DENND1A: variants seen among roughly 807,000 people sequenced by gnomAD.
DENND1A encodes the protein DENN domain-containing protein 1A.
DENND1A carries 51 observed loss-of-function variants against 113.7 expected under a neutral mutation model. That is an observed-to-expected ratio of 0.45 (90% confidence interval 0.36 to 0.57). The LOEUF is 0.57. DENND1A is among the 20% of genes least tolerant of loss of function. The pLI is 0.00. For synonymous variants in DENND1A, 565 were observed against 570.8 expected (o/e 0.99, Z 0.14); for missense variants, 1,258 against 1,395.9 (o/e 0.90, Z 1.57).
intron 5 of DENND1A, among the ~76,000 whole-genome samples, chr9:123,717,395 A>G (rs1480271045): frequency 6.6e-6 from 1 of 152,222 alleles, no homozygotes; most frequent in Non-Finnish European, 1.5e-5. Flanking sequence ...CTGAAGGGGA[A>G]TGATTATCCC....
intron 20 of DENND1A, among the ~76,000 whole-genome samples, chr9:123,407,609 G>A (rs554133134): frequency 1.3e-5 from 2 of 152,242 alleles, no homozygotes; most frequent in African/African-American, 4.8e-5. Flanking sequence ...GGAAGGGTGG[G>A]TACTGGTGAT....
intron 10 of DENND1A, among the ~76,000 whole-genome samples, chr9:123,626,822 T>C (rs2061241271): frequency 6.6e-6 from 1 of 152,104 alleles, no homozygotes; most frequent in South Asian, 2.1e-4. Flanking sequence ...AAGGGGTGTT[T>C]AATGATACCC....
chr9:123,560,860 C>G (rs2057710842), intron 12 of DENND1A, among the ~76,000 whole-genome samples: 1 of 152,088 alleles, frequency 6.6e-6, no homozygotes, highest in African/African-American at 2.4e-5. Context: ...CTCCCCTTAT[C>G]AAGGACACAT....
At chr9:123,906,334 A>G (rs1852831607) in intron 1 of DENND1A, among the ~76,000 whole-genome samples, 1 of 132,576 alleles carries the variant, frequency 7.5e-6, no homozygotes, top group South Asian at 2.2e-4. Flanking sequence ...AAAAGATAGA[A>G]GAAGGCAAGA....
At chr9:123,666,140 A>G (rs1469572474) in intron 8 of DENND1A, among the ~76,000 whole-genome samples, 2 of 152,210 alleles carry the variant, frequency 1.3e-5, no homozygotes, top group Non-Finnish European at 2.9e-5. Context: ...ACTGTACAAA[A>G]TATGAATGCA....
intron 1 of DENND1A, among the ~76,000 whole-genome samples, chr9:123,897,591 G>A (rs543656689): frequency 1.3e-4 from 20 of 152,320 alleles, no homozygotes; most frequent in Admixed American, 3.3e-4. Context: ...GCACTGAGGA[G>A]ATGGCAAGAG....
rs536417108 is a variant in DENND1A, at chr9:123,401,485, G to A, written c.1631+1917C>T. ...AACCCTTGGAATGATGTCCTGAAAC[G>A]TACCCCTCTGTCTCCTTGTGGGCCC... On this transcript the variant is annotated intron_variant, in intron 21 of 23. Coordinates refer to ENST00000394215, the MANE Select transcript of DENND1A (RefSeq NM_001352964.2). The A allele has an allele frequency of 3.4e-5, 40 of 1,190,044 alleles. No homozygotes were observed. In the East Asian group the frequency reaches 1.4e-3, roughly 43 times the overall value. The allele number at this position is 1,190,044 out of a possible 1,614,324, so 73.7% of individuals were successfully genotyped here.
chr9:123,588,670 T>C (rs2059315599), intron 11 of DENND1A, among the ~76,000 whole-genome samples: 1 of 148,276 alleles, frequency 6.7e-6, no homozygotes. Context: ...AGAAGAAAAT[T>C]ACAGTTATCC....
chr9:123,516,418 T>C (rs2053917122), intron 13 of DENND1A, among the ~76,000 whole-genome samples: 1 of 152,094 alleles, frequency 6.6e-6, no homozygotes, highest in Non-Finnish European at 1.5e-5. Flanking sequence ...GTCAGGTTCA[T>C]AATGAAAAAA....
Position 123,572,184 on chromosome 9 carries a change from T to C in DENND1A, c.867+10985A>G, listed in dbSNP as rs553799145. On this transcript the variant is annotated intron_variant, in intron 12 of 23. Transcript: ENST00000394215. ...AACCACTCAGCTGTTTCTAGCTTTA[T>C]AGTTTTGCCTGTTCCAGAATACAAA... Among the ~76,000 whole-genome samples the C allele has an allele frequency of 2.7e-4, 41 of 152,328 alleles. No homozygotes were observed. The South Asian group carries it at 4.1e-3, about 15-fold the overall frequency.
chr9:123,909,412 AT>A (rs1564488533), intron 1 of DENND1A, among the ~76,000 whole-genome samples: 12 of 150,216 alleles, frequency 8.0e-5, no homozygotes, highest in African/African-American at 2.9e-4. Context: ...AAAAATAAAA[AT>A]AAATAAAAAA....
chr9:123,690,098 G>A (rs2065085427), intron 5 of DENND1A, among the ~76,000 whole-genome samples: 1 of 92,388 alleles, frequency 1.1e-5, no homozygotes, highest in Non-Finnish European at 2.2e-5. Context: ...GGGAGGGAGG[G>A]AGGGAGGGAG....
intron 5 of DENND1A, among the ~76,000 whole-genome samples, chr9:123,726,564 A>C (rs1253176920): frequency 6.6e-6 from 1 of 152,206 alleles, no homozygotes; most frequent in African/African-American, 2.4e-5. Context: ...AATGAAGAGA[A>C]TAGAGGGAGG....
chr9:123,861,189 A>G (rs1845009709), intron 2 of DENND1A, among the ~76,000 whole-genome samples: 1 of 152,188 alleles, frequency 6.6e-6, no homozygotes, highest in Non-Finnish European at 1.5e-5. Flanking sequence ...ACCAGTGCTT[A>G]TAAGGCCTAT....
At chr9:123,659,891 AC>A (rs1212779377) in intron 8 of DENND1A, among the ~76,000 whole-genome samples, 2 of 152,276 alleles carry the variant, frequency 1.3e-5, no homozygotes, top group Non-Finnish European at 2.9e-5. Flanking sequence ...AAATTTCAAC[AC>A]TGCTAGAGCT....
intron 21 of DENND1A, among the ~76,000 whole-genome samples, chr9:123,391,822 G>A (rs891677103): frequency 1.3e-5 from 2 of 148,890 alleles, no homozygotes; most frequent in Non-Finnish European, 3.0e-5. Flanking sequence ...ACTCCCCTGC[G>A]GTCTGCCACC....
chr9:123,745,087 T>C (rs1175209695), intron 5 of DENND1A, among the ~76,000 whole-genome samples: 1 of 152,092 alleles, frequency 6.6e-6, no homozygotes, highest in Non-Finnish European at 1.5e-5. Context: ...ACTTATATTA[T>C]CTCTAATCCT....
chr9:123,801,106 C>G (rs374620733), intron 2 of DENND1A, among the ~76,000 whole-genome samples: 3 of 152,220 alleles, frequency 2.0e-5, no homozygotes, highest in Non-Finnish European at 4.4e-5. Context: ...TAGCCCTTAT[C>G]TGTACCATTA....
chr9:123,536,466 CAAAA>C (rs549789129), intron 13 of DENND1A, among the ~76,000 whole-genome samples: 4 of 91,764 alleles, frequency 4.4e-5, no homozygotes, highest in East Asian at 3.3e-4. Context: ...ACTCTGTCTC[CAAAA>C]AAAAAAAAAA....
Sources: allele counts gnomAD v4.1 joint callset (sites outside exome capture counted in the v4.1 genomes callset), GRCh38; gene constraint gnomAD v4.1.1; transcripts MANE v1.5; gene names NCBI Gene and HGNC (gene_info 2026-07-23, HGNC 2026-07-21).